The following PCDH19 variants were observed in gnomAD, a reference collection of about 807,000 sequenced individuals.
The protein encoded by PCDH19 is protocadherin-19.
Under a neutral mutation model 46.2 loss-of-function variants are expected in PCDH19, and 6 were observed. That is an observed-to-expected ratio of 0.13 (90% CI 0.07 to 0.26). The LOEUF is 0.26. PCDH19 is among the 10% of genes least tolerant of loss of function. The pLI, the probability that PCDH19 is intolerant of heterozygous loss-of-function variation, is 1.00. For synonymous variants in PCDH19, 481 were observed against 415.7 expected, an observed-to-expected ratio of 1.16 and a Z score of -1.91; for missense variants, 740 against 972.3, an observed-to-expected ratio of 0.76 and a Z score of 3.18.
rs60968315 is a variant in PCDH19 at position 100,363,615 on chromosome X, T to TTATATATATA, written c.2617-12921_2617-12912dup. Among the ~76,000 whole-genome samples the TTATATATATA allele has an allele frequency of 4.6e-3, 415 of 89,550 alleles. 1 individual carries two copies. The highest frequency in any genetic ancestry group is 0.016 in the African/African-American group (387 of 23,896). 77.8% of individuals were successfully genotyped at this position (89,550 alleles called of 115,157 possible). On this transcript the variant is annotated intron_variant, in intron 3 of 5. Coordinates refer to ENST00000373034, the MANE Select transcript of PCDH19 (RefSeq NM_001184880.2). ...AGTTGTGTTTTTGGCATGGGAAGTT[T>TTATATATATA]TATATATATATATATATATATATAT...
At chrX:100,358,959 C>A (rs1268140210) in intron 3 of PCDH19, among the ~76,000 whole-genome samples, 1 of 112,227 alleles carries the variant, frequency 8.9e-6, no homozygotes, top group African/African-American at 3.2e-5. Flanking sequence ...ATCGCCCTAC[C>A]AAACATGTAA....
At chrX:100,339,047 TC>T (rs936963887) in intron 5 of PCDH19, among the ~76,000 whole-genome samples, 6 of 111,959 alleles carry the variant, frequency 5.4e-5, no homozygotes, top group African/African-American at 2.0e-4. Flanking sequence ...TGAGCCAAAC[TC>T]CCCAAAACAA....
intron 5 of PCDH19, among the ~76,000 whole-genome samples, chrX:100,338,341 C>CA (rs1192568481): frequency 0.016 from 571 of 35,672 alleles, 8 homozygotes; most frequent in African/African-American, 0.041. Context: ...GACTCCGTCT[C>CA]AAAAAAAAAA....
intron 5 of PCDH19, among the ~76,000 whole-genome samples, chrX:100,317,944 T>TCTG (rs1925362369): frequency 8.9e-6 from 1 of 112,330 alleles, no homozygotes; most frequent in Non-Finnish European, 1.9e-5. Flanking sequence ...GGCAAACCTT[T>TCTG]CTGCTGTAGC....
chrX:100,374,346 G>T (rs954019162), intron 3 of PCDH19, among the ~76,000 whole-genome samples: 6 of 111,947 alleles, frequency 5.4e-5, no homozygotes, highest in African/African-American at 2.0e-4. Flanking sequence ...TGTGCCAAAG[G>T]TCGCACTAAA....
chrX:100,402,618 C>T lies in PCDH19; in HGVS notation c.2522G>A (p.Arg841His), dbSNP rs756818874. 92 of 1,209,576 alleles carry T rather than the reference C, an allele frequency of 7.6e-5. No homozygotes were observed. The highest frequency in any genetic ancestry group is 9.6e-5 in the Non-Finnish European group (86 of 894,868). Residue 841 changes from arginine (R) to histidine (H), a missense_variant, in exon 3 of 6, where the codon CGC (arginine) becomes CAC (histidine). By Grantham distance (29) the Arg-to-His change is conservative. Coordinates refer to ENST00000373034, the MANE Select transcript of PCDH19 (RefSeq NM_001184880.2). ...TFLNVENQNTRNTSANHIYHH... is the reference protein window; with the variant it reads ...TFLNVENQNTHNTSANHIYHH... Reference sequence around the variant, plus strand: ...GTAGATGTGGTTAGCACTGGTGTTGCGGGTATTCTGGTTCTCCACATTCAG... The same window carrying T: ...GTAGATGTGGTTAGCACTGGTGTTGTGGGTATTCTGGTTCTCCACATTCAG...
At chrX:100,332,488 C>T (rs1925902300) in intron 5 of PCDH19, among the ~76,000 whole-genome samples, 2 of 105,916 alleles carry the variant, frequency 1.9e-5, no homozygotes, top group South Asian at 8.9e-4. Flanking sequence ...TGCCATTGTA[C>T]TCCAGCCTGG....
chrX:100,307,829 T>C (rs1473126644), intron 5 of PCDH19, among the ~76,000 whole-genome samples: 1 of 110,680 alleles, frequency 9.0e-6, no homozygotes, highest in Non-Finnish European at 1.9e-5. Flanking sequence ...GGAATATACT[T>C]AAGCAAAGAG....
chrX:100,356,668 T>A (rs1024591504), intron 3 of PCDH19, among the ~76,000 whole-genome samples: 5 of 111,163 alleles, frequency 4.5e-5, no homozygotes, highest in African/African-American at 1.6e-4. Flanking sequence ...AAAGTTCATA[T>A]TTGCCCTGAA....
At position 100,407,831 on chromosome X, in the gene PCDH19, G is replaced by A; in HGVS notation, c.767C>T (p.Pro256Leu). Residue 256 changes from proline to leucine, a missense_variant, in exon 1 of 6, where the codon CCC (proline) becomes CTC (leucine). Coordinates refer to ENST00000373034, the MANE Select transcript of PCDH19 (RefSeq NM_001184880.2). ...SVPENSPPNT[P>L]VIRLNASDPD... ...ATCGCTGGCGTTGAGGCGGATGACGGGTGTGTTGGGAGGCGAGTTTTCTGG... is the reference window on the plus strand; with the variant it reads ...ATCGCTGGCGTTGAGGCGGATGACGAGTGTGTTGGGAGGCGAGTTTTCTGG... 1 of 1,212,299 alleles carries A rather than the reference G, an allele frequency of 8.2e-7. No individual in the cohort carries two copies. The highest frequency in any genetic ancestry group is 1.1e-6 in the Non-Finnish European group (1 of 895,609).
At chrX:100,342,137 G>A in intron 4 of PCDH19, 62 bp from the exon 5 acceptor site, 1 of 1,045,876 alleles carries the variant, frequency 9.6e-7, no homozygotes. Context: ...AAATCTTTCT[G>A]AGCCAGGATG....
chrX:100,306,828 T>C (rs754850332), intron 5 of PCDH19, among the ~76,000 whole-genome samples: 1 of 111,001 alleles, frequency 9.0e-6, no homozygotes, highest in Non-Finnish European at 1.9e-5. Context: ...GATAAATTCC[T>C]GGAAATATAC....
rs1358059816 is a variant in PCDH19, at chrX:100,322,863, A to ATTTTTT, written c.2848+19039_2848+19040insAAAAAA. Among the ~76,000 whole-genome samples the ATTTTTT allele has an allele frequency of 2.4e-3, 96 of 40,095 alleles. 2 individuals are homozygous for ATTTTTT. Among genetic ancestry groups the ATTTTTT allele is most frequent in the East Asian group, 9.3e-3 (21 of 2,255 alleles). The allele number at this position is 40,095 out of a possible 115,157, so 34.8% of individuals were successfully genotyped here. A position where few individuals can be genotyped will look rare whatever the true frequency, so the allele number is the denominator to read the frequency against. ...TATATATATATATATATATATATAT[A>ATTTTTT]TATTTTTGCAGCTATTGTAAAAGGG... On this transcript the variant is annotated intron_variant, in intron 5 of 5. Transcript: ENST00000373034.
rs747030258 is a variant in PCDH19 at position 100,367,740 on chromosome X, A to G, written c.2617-17036T>C. On this transcript the variant is annotated intron_variant, in intron 3 of 5. Transcript: ENST00000373034. ...TCACATTGGGTCTTAGGTCCCCAACATATAAATTTGTGGGGAACACCAACA... is the reference window on the plus strand; with the variant it reads ...TCACATTGGGTCTTAGGTCCCCAACGTATAAATTTGTGGGGAACACCAACA... 4.5e-5 allele frequency among the ~76,000 whole-genome samples: 5 copies of G among 111,528 alleles called. 1 individual carries two copies. In the South Asian group the frequency reaches 1.9e-3, roughly 42 times the overall value.
intron 3 of PCDH19, among the ~76,000 whole-genome samples, chrX:100,394,116 G>A (rs1428741932): frequency 9.0e-6 from 1 of 111,662 alleles, no homozygotes; most frequent in Admixed American, 9.5e-5. Flanking sequence ...GCAGTGAGCC[G>A]AGATCATACC....
Position 100,407,214 on chromosome X carries a change from C to T in PCDH19, c.1384G>A (p.Val462Met), listed in dbSNP as rs200637767. Reference protein sequence around the residue: ...HFSKPYYQVIVQENNTPGAYL... With the variant: ...HFSKPYYQVIMQENNTPGAYL... ...GCGCCAGGCGTGTTGTTCTCCTGCA[C>T]AATGACCTGGTAGTAGGGCTTGGAA... is the stretch of plus-strand genomic sequence containing the variant. The change falls in exon 1 of 6, where the codon GTG becomes ATG. Residue 462 changes from valine (V) to methionine (M), a missense_variant. Coordinates refer to ENST00000373034, the MANE Select transcript of PCDH19 (RefSeq NM_001184880.2). 1.8e-5 allele frequency: 22 copies of T among 1,209,936 alleles called. No homozygotes were observed. Among genetic ancestry groups the T allele is most frequent in the Non-Finnish European group, 2.5e-5 (22 of 895,218 alleles).
chrX:100,365,971 A>C (rs1337672942), intron 3 of PCDH19, among the ~76,000 whole-genome samples: 6 of 111,982 alleles, frequency 5.4e-5, no homozygotes, highest in Non-Finnish European at 1.9e-5. Flanking sequence ...AATTAGTGTA[A>C]ATTATGTTTG....
chrX:100,309,309 G>T (rs1159838515), intron 5 of PCDH19, among the ~76,000 whole-genome samples: 1 of 111,394 alleles, frequency 9.0e-6, no homozygotes, highest in Non-Finnish European at 1.9e-5. Context: ...ATGTGTTCTC[G>T]CTAATAAGTG....
intron 3 of PCDH19, among the ~76,000 whole-genome samples, chrX:100,368,395 T>C (rs1927129394): frequency 9.0e-6 from 1 of 111,694 alleles, no homozygotes; most frequent in Non-Finnish European, 1.9e-5. Context: ...TCCCACTCTC[T>C]GTCAGCCCTA....
Sources: allele counts gnomAD v4.1 joint callset (sites outside exome capture counted in the v4.1 genomes callset), GRCh38; gene constraint gnomAD v4.1.1; transcripts MANE v1.5; gene names NCBI Gene and HGNC (gene_info 2026-07-23, HGNC 2026-07-21).